The following FBP2 variants were observed in gnomAD, a reference collection of about 807,000 sequenced individuals.
The protein encoded by FBP2 is fructose-1,6-bisphosphatase isozyme 2.
Under a neutral mutation model 31.6 loss-of-function variants are expected in FBP2, and 27 were observed. That is an observed-to-expected ratio of 0.85 (90% CI 0.63 to 1.18). The LOEUF (loss-of-function observed/expected upper bound fraction) is 1.18, where lower values mean the gene tolerates loss of function less well. Ranked by LOEUF, FBP2 falls within the 50% of genes most tolerant of loss-of-function variation. FBP2 has a pLI of 0.00. For synonymous variants in FBP2, 168 were observed against 179.8 expected, an observed-to-expected ratio of 0.93 and a Z score of 0.53; for missense variants, 421 against 436.1, an observed-to-expected ratio of 0.97 and a Z score of 0.31.
In FBP2 at chr9:94,567,255, G is replaced by C. The variant is rs751644073; in HGVS notation, c.705+15C>G. ...CAGCATTCTGTCTGCCACCCACCTGGCTTTCTTCACTCACCTCAGGGAATT... is the reference window on the plus strand; with the variant it reads ...CAGCATTCTGTCTGCCACCCACCTGCCTTTCTTCACTCACCTCAGGGAATT... On this transcript the variant is annotated intron_variant, in intron 5 of 6. Coordinates refer to ENST00000375337, the MANE Select transcript of FBP2 (RefSeq NM_003837.4). 6.2e-7 allele frequency: 1 copy of C among 1,613,800 alleles called. No individual in the cohort carries two copies. Among genetic ancestry groups the C allele is most frequent in the Non-Finnish European group, 8.5e-7 (1 of 1,179,906 alleles).
chr9:94,559,182 C>G, intron 6 of FBP2, 50 bp from the exon 7 acceptor site: 1 of 1,534,646 alleles, frequency 6.5e-7, no homozygotes, highest in Non-Finnish European at 8.9e-7. Flanking sequence ...GGCCAAATGT[C>G]CCGAGCCATG....
chr9:94,584,274 T>A (rs1422051681), intron 3 of FBP2, among the ~76,000 whole-genome samples: 1 of 152,196 alleles, frequency 6.6e-6, no homozygotes, highest in Admixed American at 6.5e-5. Flanking sequence ...AGATTCAGAA[T>A]GCCACCTGGA....
At chr9:94,561,722 CAGGAT>C (rs1827107350) in intron 6 of FBP2, among the ~76,000 whole-genome samples, 2 of 152,156 alleles carry the variant, frequency 1.3e-5, no homozygotes, top group South Asian at 2.1e-4. Flanking sequence ...CAGACACACA[CAGGAT>C]AGGAGTGTGC....
At chr9:94,582,351 CGTGTGTGT>C (rs71366248) in intron 3 of FBP2, among the ~76,000 whole-genome samples, 48,253 of 147,648 alleles carry the variant, frequency 0.33, 7,976 homozygotes, top group East Asian at 0.53. Flanking sequence ...TGTGTGTGTG[CGTGTGTGT>C]GTGTGTGTGT....
chr9:94,591,102 GC>G (rs1200008910), intron 1 of FBP2, among the ~76,000 whole-genome samples: 1 of 152,266 alleles, frequency 6.6e-6, no homozygotes, highest in African/African-American at 2.4e-5. Context: ...CCGCACCGGG[GC>G]TGCAGGTGGA....
chr9:94,569,138 C>T (rs976987447), intron 4 of FBP2: 1 of 152,210 alleles, frequency 6.6e-6, no homozygotes, highest in Non-Finnish European at 1.5e-5. Flanking sequence ...GGATGCCAGT[C>T]TAGGAAGACT....
chr9:94,582,351 CGTGTGTGTGTGTGTGTGTGTGT>C (rs71366248), intron 3 of FBP2, among the ~76,000 whole-genome samples: 1 of 147,744 alleles, frequency 6.8e-6, no homozygotes, highest in Non-Finnish European at 1.5e-5. Context: ...TGTGTGTGTG[CGTGTGTGTGTGTGTGTGTGTGT>C]GTGTGTGTGT....
intron 3 of FBP2, chr9:94,577,250 A>C (rs1827324367): frequency 6.6e-6 from 1 of 152,030 alleles, no homozygotes; most frequent in Non-Finnish European, 1.5e-5. Context: ...GTAAAACTTG[A>C]CCTTTGTCCT....
chr9:94,569,643 T>C (rs1209976992), intron 4 of FBP2: 1 of 152,196 alleles, frequency 6.6e-6, no homozygotes, highest in Admixed American at 6.5e-5. Flanking sequence ...CAACGGCTGA[T>C]TTTTAATATG....
At chr9:94,583,392 C>T (rs1401885041) in intron 3 of FBP2, among the ~76,000 whole-genome samples, 1 of 152,198 alleles carries the variant, frequency 6.6e-6, no homozygotes, top group Non-Finnish European at 1.5e-5. Flanking sequence ...CCCAAGGCAA[C>T]ACTTGTGCAT....
chr9:94,565,669 T>G (rs887327101), intron 5 of FBP2, among the ~76,000 whole-genome samples: 1 of 130,924 alleles, frequency 7.6e-6, no homozygotes. Context: ...GTTTCTACTC[T>G]AACTTACCTT....
rs145930861 is a variant in FBP2, at chr9:94,566,087, G to A, written c.705+1183C>T. ...TGCTTAATCTTCTCATCAAACAATG[G>A]CAATTTTGCAAGAGTTTTGATGGAA... On this transcript the variant is annotated intron_variant, in intron 5 of 6. Coordinates refer to ENST00000375337, the MANE Select transcript of FBP2 (RefSeq NM_003837.4). 7.0e-4 allele frequency among the ~76,000 whole-genome samples: 106 copies of A among 152,256 alleles called. 1 individual carries two copies. Among genetic ancestry groups the A allele is most frequent in the African/African-American group, 2.3e-3 (95 of 41,546 alleles).
chr9:94,579,050 C>CAAA (rs55778806), intron 3 of FBP2, among the ~76,000 whole-genome samples: 7 of 30,594 alleles, frequency 2.3e-4, no homozygotes, highest in East Asian at 1.2e-3. Flanking sequence ...GAGACTCTGT[C>CAAA]AAAAAAAAAA....
At chr9:94,586,936 G>A (rs76263115) in intron 2 of FBP2, 4,869 of 165,032 alleles carry the variant, frequency 0.03, 179 homozygotes, top group East Asian at 0.17. Flanking sequence ...GGCTGGGGGC[G>A]GGGGTGGAAT....
At chr9:94,573,579 T>TAGG (rs1268502770) in intron 3 of FBP2, among the ~76,000 whole-genome samples, 2 of 152,198 alleles carry the variant, frequency 1.3e-5, no homozygotes, top group Non-Finnish European at 2.9e-5. Flanking sequence ...CATCAATAGA[T>TAGG]ACGATTATGT....
At position 94,584,585 on chromosome 9, in the gene FBP2, A is replaced by T. The variant is rs1343147472; in HGVS notation, c.418T>A (p.Tyr140Asn). 2 of 1,608,400 alleles carry T rather than the reference A, an allele frequency of 1.2e-6. No homozygotes were observed. Among genetic ancestry groups the T allele is most frequent in the Non-Finnish European group, 1.7e-6 (2 of 1,174,892 alleles). ...LASIGTIFAI[Y>N]RKTSEDEPSE... is the part of the protein sequence containing the mutation. ...TCAGCCTGTCTACTCACCTTTCTAT[A>T]GATGGCAAAGATGGTTCCGATGGAG... Residue 140 changes from tyrosine to asparagine, a missense_variant, in exon 3 of 7, where the codon TAT (tyrosine) becomes AAT (asparagine). Physicochemically the swap from Tyr to Asn is moderately radical, Grantham distance 143. Coordinates refer to ENST00000375337, the MANE Select transcript of FBP2 (RefSeq NM_003837.4).
intron 3 of FBP2, among the ~76,000 whole-genome samples, chr9:94,573,406 G>A (rs1827287993): frequency 6.6e-6 from 1 of 152,100 alleles, no homozygotes; most frequent in African/African-American, 2.4e-5. Context: ...CTACGGGTAT[G>A]CACTACCACC....
In FBP2 at chr9:94,587,472, G is replaced by A. The variant is rs1336673614; in HGVS notation, c.171-3C>T. 2 of 1,613,742 alleles carry A rather than the reference G, an allele frequency of 1.2e-6. No individual in the cohort carries two copies. The highest frequency in any genetic ancestry group is 1.7e-6 in the Non-Finnish European group (2 of 1,179,930). On this transcript the variant is annotated splice_polypyrimidine_tract_variant and splice_region_variant and intron_variant, in intron 1 of 6. Coordinates refer to ENST00000375337, the MANE Select transcript of FBP2 (RefSeq NM_003837.4). Reference sequence around the variant, plus strand: ...TAACGCTTCCTGCGATTCCATACCTGAGAAGACAAAAGGCTGAATGAGGAA... The same window carrying A: ...TAACGCTTCCTGCGATTCCATACCTAAGAAGACAAAAGGCTGAATGAGGAA...
chr9:94,593,802 G>A lies in FBP2; in HGVS notation c.-76C>T. 1 of 1,508,246 alleles carries A rather than the reference G, an allele frequency of 6.6e-7. No individual in the cohort carries two copies. The highest frequency in any genetic ancestry group is 9.0e-7 in the Non-Finnish European group (1 of 1,107,942). 93.4% of individuals were successfully genotyped at this position (1,508,246 alleles called of 1,614,324 possible). ...CTTCTGAGGGCTGCAGCTCCGCAGT[G>A]TGGAAGCCGATAAGAAATCTGTGCT... On this transcript the variant is annotated 5_prime_UTR_variant, in exon 1 of 7. Coordinates refer to ENST00000375337, the MANE Select transcript of FBP2 (RefSeq NM_003837.4).
Sources: gnomAD v4.1 joint callset for allele counts (sites outside exome capture counted in the v4.1 genomes callset) on GRCh38, gnomAD v4.1.1 for gene constraint, MANE v1.5 for transcripts, NCBI Gene and HGNC (gene_info 2026-07-23, HGNC 2026-07-21) for gene names.